Variants in KRT12 observed in about 807,000 individuals in gnomAD.
KRT12 encodes the protein keratin 12.
In KRT12, 43 loss-of-function variants were observed where a neutral mutation model predicts 50.2. The observed-to-expected ratio is 0.86, with a 90% confidence interval of 0.67 to 1.11. The LOEUF (loss-of-function observed/expected upper bound fraction) is 1.11, where lower values mean the gene tolerates loss of function less well. KRT12 is among the 50% of genes least tolerant of loss of function. The pLI, the probability that KRT12 is intolerant of heterozygous loss-of-function variation, is 0.00. For synonymous variants in KRT12, 257 were observed against 253.6 expected, an observed-to-expected ratio of 1.01 and a Z score of -0.13; for missense variants, 588 against 625.6, an observed-to-expected ratio of 0.94 and a Z score of 0.64.
chr17:40,861,570 G>A lies in KRT12; in HGVS notation c.*91C>T. ...GGAACAGACAAAAATAGGGATTGAA[G>A]TAATACAGCATGTTACTCTGAAAGG... On this transcript the variant is annotated 3_prime_UTR_variant, in exon 8 of 8. Coordinates refer to ENST00000251643, the MANE Select transcript of KRT12 (RefSeq NM_000223.4). The A allele has an allele frequency of 1.2e-6, 1 of 827,324 alleles. No homozygotes were observed. The highest frequency in any genetic ancestry group is 2.1e-6 in the Non-Finnish European group (1 of 472,190). 51.2% of individuals were successfully genotyped at this position (827,324 alleles called of 1,614,324 possible).
Position 40,863,312 on chromosome 17 carries a change from G to A in KRT12, c.1127C>T (p.Ala376Val), listed in dbSNP as rs200553689. 4.3e-6 allele frequency: 7 copies of A among 1,613,936 alleles called. No individual in the cohort carries two copies. In the Admixed American group the frequency reaches 8.3e-5, roughly 19 times the overall value. The change falls in exon 6 of 8, where the codon GCC becomes GTC. Residue 376 changes from alanine to valine, a missense_variant. Physicochemically the swap from Ala to Val is moderately conservative, Grantham distance 64. Coordinates refer to ENST00000251643, the MANE Select transcript of KRT12 (RefSeq NM_000223.4). This position sits in a 1 kb window ranked among gnomAD's most constrained non-coding sequence, Gnocchi z 4.2. ...CAGCTGCGCGCAGTAATCGCCCTCG[G>A]CTTCGGCCAAGGAGTCCTCCAGGGA... ...KKSLEDSLAEAEGDYCAQLSQ... is the reference protein window; with the variant it reads ...KKSLEDSLAEVEGDYCAQLSQ...
In KRT12 at chr17:40,863,213, T is replaced by A; in HGVS notation, c.1226A>T (p.Asn409Ile). ...LQVRADAERQNVDHQRLLNVK... is the reference protein window; with the variant it reads ...LQVRADAERQIVDHQRLLNVK... Reference sequence around the variant, plus strand: ...ATTCAGCAGCCGCTGGTGGTCCACGTTCTGGCGCTCTGCGTCCGCGCGCAC... The same window carrying A: ...ATTCAGCAGCCGCTGGTGGTCCACGATCTGGCGCTCTGCGTCCGCGCGCAC... The change falls in exon 6 of 8, where the codon AAC (asparagine) becomes ATC (isoleucine). Residue 409 changes from asparagine to isoleucine, a missense_variant. Transcript: ENST00000251643. This position sits in a 1 kb window ranked among gnomAD's most constrained non-coding sequence, Gnocchi z 4.2. The A allele has an allele frequency of 6.2e-7, 1 of 1,614,048 alleles. No homozygotes were observed. Among genetic ancestry groups the A allele is most frequent in the Non-Finnish European group, 8.5e-7 (1 of 1,180,026 alleles).
In KRT12 at chr17:40,863,607, C is replaced by G. The variant is rs146332400; in HGVS notation, c.973G>C (p.Gly325Arg). 4 of 1,614,222 alleles carry G rather than the reference C, an allele frequency of 2.5e-6. No homozygotes were observed. The highest frequency in any genetic ancestry group is 2.5e-6 in the Non-Finnish European group (3 of 1,180,040). Residue 325 changes from glycine (G) to arginine (R), a missense_variant, in exon 5 of 8, where the codon GGG (glycine) becomes CGG (arginine). Transcript: ENST00000251643. The surrounding 1 kb of genome is among the most constrained non-coding windows in gnomAD (Gnocchi z 4.2). The part of the protein sequence containing the change: ...DAEAWFIEKS[G>R]ELRKEISTNT... ...GTGCTAATCTCCTTACGGAGCTCCC[C>G]GCTCTGCAACAGCAAAGACAGCCAG... is the stretch of plus-strand genomic sequence containing the variant.
At position 40,865,005 on chromosome 17, in the gene KRT12, A is replaced by T. The variant is rs201760882; in HGVS notation, c.651-43T>A. 2.0e-3 allele frequency: 3,180 copies of T among 1,607,206 alleles called. 6 individuals carry two copies. Among genetic ancestry groups the T allele is most frequent in the Non-Finnish European group, 2.5e-3 (2,917 of 1,173,746 alleles). ...AGCAGTTGAGGGAATCAACACAACC[A>T]TTTGAACAAGGCCACTGATCTTCAG... On this transcript the variant is annotated intron_variant, in intron 2 of 7. Coordinates refer to ENST00000251643, the MANE Select transcript of KRT12 (RefSeq NM_000223.4).
Position 40,864,848 on chromosome 17 carries a change from GCT to G in KRT12, c.763_764del (p.Ser255ProfsTer15). 6.2e-7 allele frequency: 1 copy of G among 1,614,202 alleles called. No homozygotes were observed. The highest frequency in any genetic ancestry group is 2.2e-5 in the East Asian group (1 of 44,886). On this transcript the variant is annotated frameshift_variant, in exon 3 of 8. Coordinates refer to ENST00000251643, the MANE Select transcript of KRT12 (RefSeq NM_000223.4). LOFTEE classifies it high-confidence loss of function. ...TCATGTAGGCCAGCTCCTCGTTCAG[GCT>G]CTCGATCTGCATCTCCAGGTCGGTC... is the stretch of plus-strand genomic sequence containing the variant. ...TRTDLEMQIE[S>X]LNEELAYMKK... is the part of the protein sequence containing the mutation.
rs200065773 is a variant in KRT12, at chr17:40,862,049, ATT to A, written c.1388-293_1388-292del. On this transcript the variant is annotated intron_variant, in intron 7 of 7. Transcript: ENST00000251643. ...TAGGTTTTTTCCCTTCTGCTTTGCC[ATT>A]TTTTTTATTTTTTAATTTTAATTTT... 4.6e-3 allele frequency among the ~76,000 whole-genome samples: 695 copies of A among 151,736 alleles called. 5 individuals are homozygous for A. Among genetic ancestry groups the A allele is most frequent in the African/African-American group, 0.016 (660 of 41,382 alleles).
Position 40,863,508 on chromosome 17 carries a change from C to T in KRT12, c.1072G>A (p.Glu358Lys). 1.2e-6 allele frequency: 2 copies of T among 1,614,250 alleles called. No homozygotes were observed. The highest frequency in any genetic ancestry group is 1.1e-5 in the South Asian group (1 of 91,088). ...ACCATGGCGAGCTGGGACTGTAGCT[C>T]GATCTCCAGGTTCTGAAAGGCGCGA... ...LRRAFQNLEI[E>K]LQSQLAMKKS... is the part of the protein sequence containing the mutation. The change falls in exon 5 of 8, where the codon GAG becomes AAG. Residue 358 changes from glutamate (E) to lysine (K), a missense_variant. By Grantham distance (56) the Glu-to-Lys change is moderately conservative. Coordinates refer to ENST00000251643, the MANE Select transcript of KRT12 (RefSeq NM_000223.4). The surrounding 1 kb of genome is among the most constrained non-coding windows in gnomAD (Gnocchi z 4.2).
chr17:40,866,082 A>G (rs1555552352), intron 2 of KRT12, 73 bp downstream of exon 2: 1 of 1,143,156 alleles, frequency 8.7e-7, no homozygotes, highest in Non-Finnish European at 1.3e-6. Context: ...AAGATTTTAT[A>G]TCAATGAAGG....
At chr17:40,862,849 G>A (rs919780748) in intron 6 of KRT12, among the ~76,000 whole-genome samples, 2 of 152,164 alleles carry the variant, frequency 1.3e-5, no homozygotes, top group Non-Finnish European at 2.9e-5. Flanking sequence ...CAGAAATTGA[G>A]TAAGTGACTT....
chr17:40,862,495 G>T, intron 7 of KRT12, 70 bp downstream of exon 7: 2 of 959,580 alleles, frequency 2.1e-6, no homozygotes, highest in Non-Finnish European at 3.4e-6. Flanking sequence ...TAGTCAATGA[G>T]GTCTTACAGG....
Position 40,867,220 on chromosome 17 carries a change from G to C in KRT12, c.-34C>G, listed in dbSNP as rs1314335240. On this transcript the variant is annotated 5_prime_UTR_variant, in exon 1 of 8. Transcript: ENST00000251643. ...GAAGGTGGCCACAACTGGAGAGGAA[G>C]TTGTGCCAGCAAGCCAGAAAGCTAA... 20 of 1,577,444 alleles carry C rather than the reference G, an allele frequency of 1.3e-5. No homozygotes were observed. Among genetic ancestry groups the C allele is most frequent in the Non-Finnish European group, 1.5e-5 (17 of 1,158,518 alleles).
chr17:40,866,122 A>G, intron 2 of KRT12, 33 bp downstream of exon 2: 1 of 1,509,074 alleles, frequency 6.6e-7, no homozygotes, highest in East Asian at 2.3e-5. Flanking sequence ...ACATGGTGGG[A>G]CACGCCCATG....
chr17:40,863,652 C>A lies in KRT12; in HGVS notation c.970-42G>T, dbSNP rs183066783. On this transcript the variant is annotated intron_variant, in intron 4 of 7. Coordinates refer to ENST00000251643, the MANE Select transcript of KRT12 (RefSeq NM_000223.4). The surrounding 1 kb of genome is among the most constrained non-coding windows in gnomAD (Gnocchi z 4.2). ...AGCCAGGGGGCTCGAGCGCTGAGCT[C>A]GTTCGCAGGCCTTTCTGTGAATGTA... 9.2e-4 allele frequency: 1,492 copies of A among 1,614,198 alleles called. 1 individual carries two copies. Among genetic ancestry groups the A allele is most frequent in the Non-Finnish European group, 1.2e-3 (1,392 of 1,180,042 alleles).
Position 40,867,138 on chromosome 17 carries a change from G to A in KRT12, c.49C>T (p.Leu17=). The change falls in exon 1 of 8, where the codon CTG becomes TTG. Residue 17 remains leucine, a synonymous_variant. Transcript: ENST00000251643. ...TMSLSVRTPG[L]SRRLSSQSVI... ...CTCTGCGAGGAGAGCCGCCGGGACA[G>A]TCCGGGGGTGCGCACTGAGAGTGAC... is the stretch of plus-strand genomic sequence containing the variant. 6.2e-7 allele frequency: 1 copy of A among 1,612,134 alleles called. No individual in the cohort carries two copies. The highest frequency in any genetic ancestry group is 1.3e-5 in the African/African-American group (1 of 75,064).
chr17:40,863,043 TA>T lies in KRT12; in HGVS notation c.1316+79del. ...TTTGTTTGTTTGCTTTTCTGTCAAC[TA>T]AAACCCCATTCCTTCTATTTCTGCT... On this transcript the variant is annotated intron_variant, in intron 6 of 7. Coordinates refer to ENST00000251643, the MANE Select transcript of KRT12 (RefSeq NM_000223.4). The surrounding 1 kb of genome is among the most constrained non-coding windows in gnomAD (Gnocchi z 4.2). The T allele has an allele frequency of 8.1e-7, 1 of 1,234,684 alleles. No homozygotes were observed. The allele number at this position is 1,234,684 out of a possible 1,614,324, so 76.5% of individuals were successfully genotyped here.
intron 7 of KRT12, among the ~76,000 whole-genome samples, 180 bp from the exon 8 acceptor site, chr17:40,861,938 C>T (rs1455114063): frequency 1.3e-5 from 2 of 152,182 alleles, no homozygotes. Context: ...GAAATGTATT[C>T]AGTGTTGCCT....
chr17:40,862,702 C>T, intron 6 of KRT12, 67 bp from the exon 7 acceptor site: 1 of 1,151,724 alleles, frequency 8.7e-7, no homozygotes, highest in Non-Finnish European at 1.3e-6. Context: ...AAGATCTGGT[C>T]TGAGAAATTA....
Position 40,863,058 on chromosome 17 carries a change from T to C in KRT12, c.1316+65A>G. The C allele has an allele frequency of 7.3e-7, 1 of 1,374,464 alleles. No individual in the cohort carries two copies. The highest frequency in any genetic ancestry group is 1.0e-6 in the Non-Finnish European group (1 of 963,530). The allele number at this position is 1,374,464 out of a possible 1,614,324, so 85.1% of individuals were successfully genotyped here. A position where few individuals can be genotyped will look rare whatever the true frequency, so the allele number is the denominator to read the frequency against. On this transcript the variant is annotated intron_variant, in intron 6 of 7. Coordinates refer to ENST00000251643, the MANE Select transcript of KRT12 (RefSeq NM_000223.4). The surrounding 1 kb of genome is among the most constrained non-coding windows in gnomAD (Gnocchi z 4.2). ...TTCTGTCAACTAAAACCCCATTCCTTCTATTTCTGCTGCCCACTCTTGGTC... is the reference window on the plus strand; with the variant it reads ...TTCTGTCAACTAAAACCCCATTCCTCCTATTTCTGCTGCCCACTCTTGGTC...
rs765618473 is a variant in KRT12, at chr17:40,867,149, C to G, written c.38G>C (p.Arg13Pro). 28 of 1,609,802 alleles carry G rather than the reference C, an allele frequency of 1.7e-5. No individual in the cohort carries two copies. The South Asian group carries it at 2.6e-4, about 15-fold the overall frequency. ...LSNNTMSLSV[R>P]TPGLSRRLSS... ...GAGCCGCCGGGACAGTCCGGGGGTG[C>G]GCACTGAGAGTGACATGGTGTTGTT... Residue 13 changes from arginine (R) to proline (P), a missense_variant, in exon 1 of 8, where the codon CGC (arginine) becomes CCC (proline). By Grantham distance (103) the Arg-to-Pro change is moderately radical (BLOSUM62 -2). Coordinates refer to ENST00000251643, the MANE Select transcript of KRT12 (RefSeq NM_000223.4).
Sources: allele counts gnomAD v4.1 joint callset (sites outside exome capture counted in the v4.1 genomes callset), GRCh38; gene constraint gnomAD v4.1.1; non-coding constraint Gnocchi (gnomAD v3.1); transcripts MANE v1.5; gene names NCBI Gene and HGNC (gene_info 2026-07-23, HGNC 2026-07-21).